MYO1E: variants seen among roughly 807,000 people sequenced by gnomAD.
MYO1E encodes unconventional myosin-Ie.
A neutral mutation model predicts 151.1 loss-of-function variants in MYO1E; 68 were observed. The ratio of observed to expected loss-of-function variants is 0.45; its 90% confidence interval spans 0.37 to 0.55. The LOEUF (loss-of-function observed/expected upper bound fraction) is 0.55, where lower values mean the gene tolerates loss of function less well. Ranked by LOEUF, MYO1E falls within the 20% of genes least tolerant of loss-of-function variation. MYO1E has a pLI of 0.00. For missense variants in MYO1E, 1,363 were observed against 1,389.3 expected (o/e 0.98, Z 0.30); for synonymous variants, 601 against 501.7 (o/e 1.20, Z -2.64).
intron 25 of MYO1E, among the ~76,000 whole-genome samples, chr15:59,154,279 G>A (rs1335501387): frequency 6.6e-6 from 1 of 152,148 alleles, no homozygotes; most frequent in Non-Finnish European, 1.5e-5. Flanking sequence ...GTCAATCTTG[G>A]GCATCCACGG....
intron 22 of MYO1E, 149 bp from the exon 23 acceptor site, chr15:59,163,452 C>A (rs1197210537): frequency 2.5e-6 from 2 of 806,472 alleles, no homozygotes; most frequent in Non-Finnish European, 3.8e-6. Context: ...TCAAACAAAA[C>A]CAACAACAAT....
At chr15:59,289,428 A>G (rs2080406328) in intron 1 of MYO1E, among the ~76,000 whole-genome samples, 1 of 152,204 alleles carries the variant, frequency 6.6e-6, no homozygotes, top group African/African-American at 2.4e-5. Context: ...GCTCAATTTC[A>G]TCTTAGTTTT....
At chr15:59,285,728 T>A (rs992725227) in intron 1 of MYO1E, among the ~76,000 whole-genome samples, 4 of 152,246 alleles carry the variant, frequency 2.6e-5, no homozygotes, top group South Asian at 2.1e-4. Flanking sequence ...GTGAAAAAAA[T>A]TTTTAAGAAA....
chr15:59,357,667 C>G (rs1275164017), intron 1 of MYO1E, among the ~76,000 whole-genome samples: 1 of 152,008 alleles, frequency 6.6e-6, no homozygotes. Context: ...CCAGGATGGT[C>G]TGAAACTCCT....
chr15:59,261,312 A>C (rs1301104178), intron 3 of MYO1E, 108 bp downstream of exon 3: 3 of 603,164 alleles, frequency 5.0e-6, no homozygotes, highest in Non-Finnish European at 8.8e-6. Context: ...TTCTCCAATA[A>C]AAAATTCATA....
At chr15:59,327,929 C>T (rs1437481497) in intron 1 of MYO1E, among the ~76,000 whole-genome samples, 1 of 152,176 alleles carries the variant, frequency 6.6e-6, no homozygotes, top group Admixed American at 6.5e-5. Flanking sequence ...CATCAGTGGG[C>T]AAAGGAACGT....
chr15:59,174,162 C>A lies in MYO1E; in HGVS notation c.2128G>T (p.Val710Leu). Residue 710 changes from valine to leucine, a missense_variant, in exon 20 of 28, where the codon GTG becomes TTG. Physicochemically the swap from Val to Leu is conservative, Grantham distance 32. Transcript: ENST00000288235. ...ATTTGAACGTATTTCTTCCGGGCCA[C>A]GAATTTCCTCCATGATTTCTGTATC... ...RVIQKSWRKF[V>L]ARKKYVQMRE... The A allele has an allele frequency of 1.2e-6, 2 of 1,613,994 alleles. No individual in the cohort carries two copies.
At chr15:59,371,435 A>T (rs1596447662) in intron 1 of MYO1E, among the ~76,000 whole-genome samples, 1 of 148,344 alleles carries the variant, frequency 6.7e-6, no homozygotes, top group South Asian at 2.1e-4. Flanking sequence ...CTTGTAATAG[A>T]TTTTTTTTTT....
intron 1 of MYO1E, among the ~76,000 whole-genome samples, chr15:59,316,554 T>C (rs1439710209): frequency 6.6e-6 from 1 of 152,262 alleles, no homozygotes; most frequent in Non-Finnish European, 1.5e-5. Flanking sequence ...AGAATTCTGA[T>C]ATTAAGACCA....
chr15:59,283,763 C>A (rs1239338503), intron 1 of MYO1E, among the ~76,000 whole-genome samples: 1 of 144,492 alleles, frequency 6.9e-6, no homozygotes, highest in African/African-American at 2.9e-5. Context: ...GGGCTTCAAA[C>A]CCAGGCAGTC....
chr15:59,156,899 T>G (rs1312932242), intron 25 of MYO1E, among the ~76,000 whole-genome samples: 5 of 152,054 alleles, frequency 3.3e-5, no homozygotes, highest in African/African-American at 1.2e-4. Context: ...AGGTTTAGAG[T>G]GTCTGGATAT....
chr15:59,193,802 G>A (rs1403656141), intron 17 of MYO1E, among the ~76,000 whole-genome samples: 1 of 152,138 alleles, frequency 6.6e-6, no homozygotes, highest in African/African-American at 2.4e-5. Flanking sequence ...CCTCATCCGG[G>A]CCTGAATATC....
intron 1 of MYO1E, among the ~76,000 whole-genome samples, chr15:59,330,478 A>T (rs1567016705): frequency 6.6e-6 from 1 of 152,338 alleles, no homozygotes; most frequent in East Asian, 1.9e-4. Context: ...GAAAAAGTAA[A>T]TATCCCCAAA....
At chr15:59,357,169 G>A (rs2080858839) in intron 1 of MYO1E, among the ~76,000 whole-genome samples, 1 of 152,040 alleles carries the variant, frequency 6.6e-6, no homozygotes, top group Non-Finnish European at 1.5e-5. Context: ...GCCTCTCAAA[G>A]TGCTGGGATT....
intron 1 of MYO1E, among the ~76,000 whole-genome samples, chr15:59,304,671 G>A (rs915010854): frequency 1.3e-5 from 2 of 152,156 alleles, no homozygotes; most frequent in African/African-American, 2.4e-5. Context: ...TCCTTAGCCC[G>A]TGATCTGGTT....
chr15:59,332,358 A>G (rs2080703170), intron 1 of MYO1E, among the ~76,000 whole-genome samples: 2 of 152,242 alleles, frequency 1.3e-5, no homozygotes, highest in African/African-American at 4.8e-5. Flanking sequence ...GCTTTTGTAC[A>G]GCAACACATT....
intron 14 of MYO1E, chr15:59,207,809 T>C (rs1566978990): frequency 6.2e-7 from 1 of 1,614,190 alleles, no homozygotes; most frequent in Non-Finnish European, 8.5e-7. Flanking sequence ...GCCTATGAGA[T>C]TATTAAAATG....
At chr15:59,366,628 G>A (rs1371514619) in intron 1 of MYO1E, among the ~76,000 whole-genome samples, 1 of 152,124 alleles carries the variant, frequency 6.6e-6, no homozygotes, top group Admixed American at 6.5e-5. Flanking sequence ...TACAGTTTGA[G>A]TTCTATGGGT....
chr15:59,168,454 G>A (rs1225190101), intron 22 of MYO1E, among the ~76,000 whole-genome samples: 1 of 152,088 alleles, frequency 6.6e-6, no homozygotes, highest in East Asian at 1.9e-4. Flanking sequence ...GCTGAGGTGG[G>A]AGGATTGCTT....
Sources: gnomAD v4.1 joint callset for allele counts (sites outside exome capture counted in the v4.1 genomes callset) on GRCh38, gnomAD v4.1.1 for gene constraint, MANE v1.5 for transcripts, NCBI Gene and HGNC (gene_info 2026-07-23, HGNC 2026-07-21) for gene names.